The following ABL2 variants were observed in gnomAD, a reference collection of about 807,000 sequenced individuals.
ABL2 encodes ABL proto-oncogene 2, non-receptor tyrosine kinase.
In ABL2, 49 loss-of-function variants were observed where a neutral mutation model predicts 107.7. The observed-to-expected ratio is 0.45, with a 90% CI of 0.36 to 0.58. The LOEUF is 0.58. ABL2 is among the 20% of genes least tolerant of loss of function. The pLI, the probability that ABL2 is intolerant of heterozygous loss-of-function variation, is 0.00. For missense variants in ABL2, 1,245 were observed against 1,457.0 expected, an observed-to-expected ratio of 0.85 and a Z score of 2.37; for synonymous variants, 549 against 548.6, an observed-to-expected ratio of 1.00 and a Z score of -0.01.
chr1:179,133,200 A>G, intron 2 of ABL2, 112 bp downstream of exon 2: 2 of 1,533,152 alleles, frequency 1.3e-6, no homozygotes, highest in South Asian at 1.2e-5. Flanking sequence ...ATCATATATG[A>G]AAGGAAAAAC....
At chr1:179,201,613 T>C in intron 1 of ABL2, 1 of 425,674 alleles carries the variant, frequency 2.3e-6, no homozygotes, top group South Asian at 2.2e-5. Flanking sequence ...CTGCCTTCCT[T>C]GGCTGCCTAC....
intron 1 of ABL2, among the ~76,000 whole-genome samples, chr1:179,202,465 A>G (rs1661727432): frequency 6.6e-6 from 1 of 152,232 alleles, no homozygotes; most frequent in Admixed American, 6.5e-5. Flanking sequence ...GTTCTGTTCA[A>G]CAGGTCACAT....
intron 1 of ABL2, among the ~76,000 whole-genome samples, chr1:179,188,131 C>T (rs1203778918): frequency 6.6e-6 from 1 of 152,188 alleles, no homozygotes; most frequent in Admixed American, 6.5e-5. Context: ...CAGACTTTTG[C>T]CCTTGATGGT....
rs1653401852 is a variant in ABL2 at position 179,105,394 on chromosome 1, A to G, written c.*2324T>C. ...CCACAACAACAGGGATAAACCTAAA[A>G]AGCAGCATAATAATATTCTACAGTT... On this transcript the variant is annotated 3_prime_UTR_variant, in exon 12 of 12. Coordinates refer to ENST00000502732, the MANE Select transcript of ABL2 (RefSeq NM_007314.4). 4.3e-6 allele frequency: 1 copy of G among 231,104 alleles called. No homozygotes were observed. Among genetic ancestry groups the G allele is most frequent in the South Asian group, 1.8e-4 (1 of 5,498 alleles). The allele number at this position is 231,104 out of a possible 1,614,324, so 14.3% of individuals were successfully genotyped here.
At chr1:179,216,963 T>C (rs1471251750) in intron 1 of ABL2, among the ~76,000 whole-genome samples, 1 of 151,740 alleles carries the variant, frequency 6.6e-6, no homozygotes, top group Non-Finnish European at 1.5e-5. Context: ...ATTGCAGGCA[T>C]GAGCCACCTC....
intron 1 of ABL2, among the ~76,000 whole-genome samples, chr1:179,136,709 A>AAAAAATAAAT (rs773475981): frequency 7.1e-6 from 1 of 140,642 alleles, no homozygotes; most frequent in Non-Finnish European, 1.5e-5. Context: ...TGATCAATAA[A>AAAAAATAAAT]AAATAAATAA....
chr1:179,165,754 T>C (rs1421896918), intron 1 of ABL2, among the ~76,000 whole-genome samples: 2 of 151,954 alleles, frequency 1.3e-5, no homozygotes, highest in African/African-American at 4.8e-5. Context: ...AGCTAAATCA[T>C]GATGTTCTAC....
At chr1:179,134,257 T>C (rs1345254821) in intron 1 of ABL2, among the ~76,000 whole-genome samples, 2 of 152,208 alleles carry the variant, frequency 1.3e-5, no homozygotes, top group East Asian at 1.9e-4. Flanking sequence ...TATTTAAAAA[T>C]TGGCTTCAGC....
At chr1:179,226,198 G>A (rs1231726745) in intron 1 of ABL2, among the ~76,000 whole-genome samples, 2 of 150,940 alleles carry the variant, frequency 1.3e-5, no homozygotes, top group South Asian at 2.1e-4. Context: ...CAATAAACTC[G>A]ACCTATTCCC....
chr1:179,188,073 C>G (rs182365474), intron 1 of ABL2, among the ~76,000 whole-genome samples: 1 of 152,200 alleles, frequency 6.6e-6, no homozygotes, highest in South Asian at 2.1e-4. Flanking sequence ...AGTCTAGCCT[C>G]TTCTGCCATT....
chr1:179,216,117 C>G (rs1662551608), intron 1 of ABL2, among the ~76,000 whole-genome samples: 1 of 152,140 alleles, frequency 6.6e-6, no homozygotes, highest in South Asian at 2.1e-4. Context: ...TCTGCTGGAT[C>G]AAAAGCCAAT....
chr1:179,135,876 G>T (rs1656890209), intron 1 of ABL2, among the ~76,000 whole-genome samples: 1 of 137,598 alleles, frequency 7.3e-6, no homozygotes, highest in South Asian at 2.4e-4. Context: ...CAGGAGGTGA[G>T]GGGGCGCCTC....
At chr1:179,145,897 T>C (rs919020726) in intron 1 of ABL2, among the ~76,000 whole-genome samples, 26 of 145,158 alleles carry the variant, frequency 1.8e-4, no homozygotes, top group African/African-American at 6.4e-4. Flanking sequence ...TGATCTCCAT[T>C]TTTTTTTTTT....
In ABL2 at chr1:179,202,028, A is replaced by AT. The variant is rs147986800; in HGVS notation, c.157+27212dup. On this transcript the variant is annotated intron_variant, in intron 1 of 11. Transcript: ENST00000502732. ...GGAGCCAAGGGATGGACATCTTGTC[A>AT]TTTTTTTTTCTTTGAATAAATGTCA... The AT allele has an allele frequency of 3.5e-3, 1,894 of 537,668 alleles. 8 individuals carry two copies. The highest frequency in any genetic ancestry group is 0.017 in the African/African-American group (831 of 49,208). The allele number at this position is 537,668 out of a possible 1,614,324, so 33.3% of individuals were successfully genotyped here.
intron 1 of ABL2, among the ~76,000 whole-genome samples, chr1:179,202,632 T>C (rs1661737391): frequency 6.6e-6 from 1 of 152,240 alleles, no homozygotes; most frequent in African/African-American, 2.4e-5. Context: ...ATCTGTACCC[T>C]GAAATAACTG....
chr1:179,125,576 G>A (rs1397773165), intron 4 of ABL2, among the ~76,000 whole-genome samples: 1 of 152,150 alleles, frequency 6.6e-6, no homozygotes, highest in East Asian at 1.9e-4. Flanking sequence ...GTGCAAAAGT[G>A]AAAGAAAATT....
intron 1 of ABL2, among the ~76,000 whole-genome samples, chr1:179,198,842 C>G (rs1304459301): frequency 7.3e-6 from 1 of 137,254 alleles, no homozygotes; most frequent in African/African-American, 2.7e-5. Flanking sequence ...CCAAATTATC[C>G]TTTTTTTTTT....
At chr1:179,210,406 T>C (rs1256072708) in intron 1 of ABL2, among the ~76,000 whole-genome samples, 1 of 146,476 alleles carries the variant, frequency 6.8e-6, no homozygotes, top group Non-Finnish European at 1.5e-5. Context: ...CATGATAGGC[T>C]GAGGCGAGAA....
rs1557902495 is a variant in ABL2 at position 179,107,803 on chromosome 1, G to A, written c.3464C>T (p.Ala1155Val). Residue 1155 changes from alanine to valine, a missense_variant, in exon 12 of 12, where the codon GCA (alanine) becomes GTA (valine). Around this residue, in one of 3 missense-constraint regions of ABL2, gnomAD observed 761 missense variants for 766.4 expected, o/e 0.99. Coordinates refer to ENST00000502732, the MANE Select transcript of ABL2 (RefSeq NM_007314.4). ...GTTTGTCCCGGGCACACCAGCAGCTGCTGAAGAAACCTGTAGCTCCTGCAG... is the reference window on the plus strand; with the variant it reads ...GTTTGTCCCGGGCACACCAGCAGCTACTGAAGAAACCTGTAGCTCCTGCAG... Reference protein sequence around the residue: ...LSLQELQVSSAAAGVPGTNPV... With the variant: ...LSLQELQVSSVAAGVPGTNPV... The A allele has an allele frequency of 6.2e-7, 1 of 1,614,242 alleles. No homozygotes were observed. The highest frequency in any genetic ancestry group is 8.5e-7 in the Non-Finnish European group (1 of 1,180,046).
Sources: allele counts gnomAD v4.1 joint callset (sites outside exome capture counted in the v4.1 genomes callset), GRCh38; gene constraint gnomAD v4.1.1; regional missense constraint gnomAD v4.1.1; transcripts MANE v1.5; gene names NCBI Gene and HGNC (gene_info 2026-07-23, HGNC 2026-07-21).